The following SCAPER variants were observed in gnomAD, a reference collection of about 807,000 sequenced individuals.
SCAPER encodes S-phase cyclin A associated protein in the ER, also known as S phase cyclin A-associated protein in the endoplasmic reticulum.
SCAPER carries 98 observed loss-of-function variants against 182.2 expected under a neutral mutation model. The observed-to-expected ratio is 0.54, with a 90% CI of 0.46 to 0.64. The LOEUF (loss-of-function observed/expected upper bound fraction) is 0.64. Among genes scored for constraint, SCAPER ranks in the 30% least tolerant of loss-of-function variants. The pLI, the probability that SCAPER is intolerant of heterozygous loss-of-function variation, is 0.00. For missense variants in SCAPER, 1,432 were observed against 1,690.0 expected (o/e 0.85, Z 2.68); for synonymous variants, 605 against 564.6 (o/e 1.07, Z -1.01).
chr15:76,485,096 A>G (rs2143023066), intron 24 of SCAPER, among the ~76,000 whole-genome samples: 1 of 152,330 alleles, frequency 6.6e-6, no homozygotes, highest in South Asian at 2.1e-4. Context: ...TCAAATACGA[A>G]GAGTGGAAGT....
At chr15:76,719,835 G>A (rs186399274) in intron 17 of SCAPER, among the ~76,000 whole-genome samples, 4 of 151,552 alleles carry the variant, frequency 2.6e-5, no homozygotes, top group African/African-American at 2.4e-5. Flanking sequence ...GTTTATTTAC[G>A]TAGAAAACGC....
chr15:76,897,358 T>G (rs1365934381), intron 1 of SCAPER, among the ~76,000 whole-genome samples: 1 of 151,976 alleles, frequency 6.6e-6, no homozygotes, highest in Non-Finnish European at 1.5e-5. Flanking sequence ...CCAGAGTTCA[T>G]AAATTCTTAA....
intron 24 of SCAPER, among the ~76,000 whole-genome samples, chr15:76,487,930 C>T (rs111316958): frequency 0.018 from 2,727 of 152,258 alleles, 45 homozygotes; most frequent in Middle Eastern, 0.031. Flanking sequence ...GGAAATGATA[C>T]TTCCAACCTA....
At chr15:76,790,263 G>C (rs1304307532) in intron 8 of SCAPER, among the ~76,000 whole-genome samples, 1 of 151,560 alleles carries the variant, frequency 6.6e-6, no homozygotes, top group Non-Finnish European at 1.5e-5. Flanking sequence ...CAATGTTCAA[G>C]AGATAATGTT....
At chr15:76,415,898 T>C (rs2045612568) in intron 26 of SCAPER, among the ~76,000 whole-genome samples, 3 of 152,170 alleles carry the variant, frequency 2.0e-5, no homozygotes. Flanking sequence ...TAACAATTGT[T>C]GGTACACAGA....
At chr15:76,537,618 G>C (rs913555947) in intron 23 of SCAPER, among the ~76,000 whole-genome samples, 8 of 152,122 alleles carry the variant, frequency 5.3e-5, no homozygotes, top group Non-Finnish European at 1.0e-4. Flanking sequence ...AAAAACCCTA[G>C]AAGAAAACCT....
intron 16 of SCAPER, among the ~76,000 whole-genome samples, chr15:76,731,335 G>C (rs1238590203): frequency 6.6e-6 from 1 of 152,052 alleles, no homozygotes; most frequent in African/African-American, 2.4e-5. Context: ...AAATGATTAG[G>C]ACAAAAGGAC....
chr15:76,451,151 A>G (rs774855807), intron 25 of SCAPER, among the ~76,000 whole-genome samples: 1 of 152,252 alleles, frequency 6.6e-6, no homozygotes, highest in Non-Finnish European at 1.5e-5. Context: ...TTTCTGCAGT[A>G]TGAATAATGT....
chr15:76,676,815 T>C (rs1221520433), intron 20 of SCAPER, among the ~76,000 whole-genome samples: 1 of 151,400 alleles, frequency 6.6e-6, no homozygotes, highest in Non-Finnish European at 1.5e-5. Context: ...AGAAAATAAT[T>C]AGATCAAAAT....
chr15:76,557,760 A>G (rs2046296494), intron 23 of SCAPER, among the ~76,000 whole-genome samples: 2 of 152,106 alleles, frequency 1.3e-5, no homozygotes. Context: ...GAACAGACTA[A>G]TATCATAACC....
chr15:76,757,441 T>C (rs1041650153), intron 14 of SCAPER, among the ~76,000 whole-genome samples: 2 of 128,270 alleles, frequency 1.6e-5, no homozygotes, highest in East Asian at 2.4e-4. Flanking sequence ...CTAGATAATA[T>C]TCTGTTTTAT....
At chr15:76,451,374 T>C (rs2048357791) in intron 25 of SCAPER, among the ~76,000 whole-genome samples, 2 of 152,178 alleles carry the variant, frequency 1.3e-5, no homozygotes, top group South Asian at 2.1e-4. Context: ...CTTGGAGAAA[T>C]AGCTAGGAGT....
chr15:76,589,678 G>A (rs969414511), intron 22 of SCAPER, among the ~76,000 whole-genome samples: 1 of 152,124 alleles, frequency 6.6e-6, no homozygotes, highest in African/African-American at 2.4e-5. Flanking sequence ...CTGGATTCAT[G>A]CTCTCCCTCA....
intron 8 of SCAPER, among the ~76,000 whole-genome samples, chr15:76,787,572 TG>T (rs2064701496): frequency 1.3e-5 from 2 of 152,108 alleles, no homozygotes; most frequent in Non-Finnish European, 2.9e-5. Context: ...GCAATCCTCC[TG>T]GGTTGGCCTC....
rs916105472 is a variant in SCAPER, at chr15:76,491,458, A to G, written c.2954+13401T>C. 7.2e-5 allele frequency among the ~76,000 whole-genome samples: 11 copies of G among 152,292 alleles called. No individual in the cohort carries two copies. In the South Asian group the frequency reaches 2.3e-3, roughly 32 times the overall value. ...AAGAACATGTATTTTTATTCCTTTG[A>G]GGTAACTACCCAGGTGTGGGATTGC... On this transcript the variant is annotated intron_variant, in intron 24 of 31. Transcript: ENST00000563290.
chr15:76,774,967 T>C lies in SCAPER; in HGVS notation c.923A>G (p.Asp308Gly), dbSNP rs2151336592. ...SDKENVCLLPDESIQKGQFVG... is the reference protein window; with the variant it reads ...SDKENVCLLPGESIQKGQFVG... ...AAATTGACCTTTCTGTATGCTTTCA[T>C]CAGGTAAAAGACATACATTTTCTTT... Residue 308 changes from aspartate to glycine, a missense_variant, in exon 9 of 32, where the codon GAT becomes GGT. Around this residue, in one of 5 missense-constraint regions of SCAPER, gnomAD observed 480 missense variants for 510.2 expected, o/e 0.94. Transcript: ENST00000563290. 6.2e-7 allele frequency: 1 copy of C among 1,613,852 alleles called. No homozygotes were observed. The highest frequency in any genetic ancestry group is 8.5e-7 in the Non-Finnish European group (1 of 1,179,772).
intron 29 of SCAPER, among the ~76,000 whole-genome samples, chr15:76,356,311 A>G (rs1367389045): frequency 6.6e-6 from 1 of 152,148 alleles, no homozygotes; most frequent in Non-Finnish European, 1.5e-5. Context: ...AGGGCTGGAA[A>G]TGCAAACAGC....
intron 14 of SCAPER, among the ~76,000 whole-genome samples, chr15:76,762,307 T>C (rs62028731): frequency 0.025 from 3,776 of 152,042 alleles, 68 homozygotes; most frequent in Middle Eastern, 0.044. Context: ...ATTTTCTCTT[T>C]GTTCTGCAGG....
chr15:76,532,391 A>G (rs891973568), intron 23 of SCAPER, among the ~76,000 whole-genome samples: 2 of 141,072 alleles, frequency 1.4e-5, no homozygotes, highest in Non-Finnish European at 3.0e-5. Flanking sequence ...TTCTTGAGTC[A>G]GGGTCTCGCT....
Sources: allele counts gnomAD v4.1 joint callset (sites outside exome capture counted in the v4.1 genomes callset), GRCh38; gene constraint gnomAD v4.1.1; regional missense constraint gnomAD v4.1.1; transcripts MANE v1.5; gene names NCBI Gene and HGNC (gene_info 2026-07-23, HGNC 2026-07-21).